ASCL5: variants seen among roughly 807,000 people sequenced by gnomAD.
ASCL5 encodes the protein achaete-scute family bHLH transcription factor 5, also known as achaete-scute homolog 5.
For missense variants in ASCL5, 262 were observed against 268.9 expected, an observed-to-expected ratio of 0.97 and a Z score of 0.18; for synonymous variants, 124 against 131.5, an observed-to-expected ratio of 0.94 and a Z score of 0.39.
intron 1 of ASCL5, among the ~76,000 whole-genome samples, chr1:201,126,738 C>T (rs1663587738): frequency 6.6e-6 from 1 of 152,238 alleles, no homozygotes; most frequent in South Asian, 2.1e-4. Flanking sequence ...CCCTTCACCA[C>T]TGCTCTGCAC....
intron 1 of ASCL5, among the ~76,000 whole-genome samples, chr1:201,116,092 G>A (rs1663342593): frequency 6.6e-6 from 1 of 152,146 alleles, no homozygotes; most frequent in East Asian, 1.9e-4. Context: ...GAAGGGCAAG[G>A]GAAACATCCT....
intron 1 of ASCL5, among the ~76,000 whole-genome samples, chr1:201,121,679 C>A (rs542542356): frequency 6.6e-6 from 1 of 151,962 alleles, no homozygotes; most frequent in African/African-American, 2.4e-5. Context: ...AAAATAAAAA[C>A]GGTTAACTGG....
intron 1 of ASCL5, among the ~76,000 whole-genome samples, chr1:201,123,104 T>G (rs903189499): frequency 6.6e-6 from 1 of 152,160 alleles, no homozygotes; most frequent in Non-Finnish European, 1.5e-5. Flanking sequence ...CCCACCAATA[T>G]TGTTCCACCA....
chr1:201,116,776 C>T (rs1412004020), intron 1 of ASCL5, among the ~76,000 whole-genome samples: 1 of 152,156 alleles, frequency 6.6e-6, no homozygotes, highest in Admixed American at 6.6e-5. Context: ...TCGCACTCCC[C>T]CCTCTTGTGT....
chr1:201,124,845 G>A (rs1663549592), intron 1 of ASCL5, among the ~76,000 whole-genome samples: 1 of 152,220 alleles, frequency 6.6e-6, no homozygotes, highest in African/African-American at 2.4e-5. Context: ...CCGAGGCCAG[G>A]AGAGCCTGGA....
chr1:201,126,199 G>A (rs577875041), intron 1 of ASCL5, among the ~76,000 whole-genome samples: 4 of 151,916 alleles, frequency 2.6e-5, no homozygotes, highest in African/African-American at 4.8e-5. Context: ...GCAGTGGGAC[G>A]ATCATAGCTC....
chr1:201,119,486 T>G (rs1007515193), intron 1 of ASCL5, among the ~76,000 whole-genome samples: 1 of 152,160 alleles, frequency 6.6e-6, no homozygotes, highest in Non-Finnish European at 1.5e-5. Context: ...GGTGTCGAAG[T>G]CATCACTTCC....
At chr1:201,118,222 G>A (rs1328335861) in intron 1 of ASCL5, among the ~76,000 whole-genome samples, 3 of 152,210 alleles carry the variant, frequency 2.0e-5, no homozygotes, top group Non-Finnish European at 2.9e-5. Context: ...GCTCATGCCT[G>A]TAATCCCGGC....
chr1:201,125,878 C>T (rs1663569688), intron 1 of ASCL5, among the ~76,000 whole-genome samples: 1 of 152,192 alleles, frequency 6.6e-6, no homozygotes, highest in Non-Finnish European at 1.5e-5. Context: ...CGAGCCGTGT[C>T]ACCTTCCTTT....
chr1:201,126,321 T>C (rs1663580495), intron 1 of ASCL5, among the ~76,000 whole-genome samples: 1 of 152,068 alleles, frequency 6.6e-6, no homozygotes, highest in East Asian at 1.9e-4. Context: ...GACAGAATCT[T>C]GAACTTCTGG....
At chr1:201,122,570 T>A (rs570193490) in intron 1 of ASCL5, among the ~76,000 whole-genome samples, 5 of 152,214 alleles carry the variant, frequency 3.3e-5, no homozygotes, top group Admixed American at 6.5e-5. Context: ...ACACAGCCGA[T>A]TGAATTTACC....
At position 201,114,950 on chromosome 1, in the gene ASCL5, C is replaced by G. The variant is rs1663306144; in HGVS notation, c.423G>C (p.Ser141=). 5 of 1,231,228 alleles carry G rather than the reference C, an allele frequency of 4.1e-6. No individual in the cohort carries two copies. The highest frequency in any genetic ancestry group is 4.0e-6 in the Non-Finnish European group (4 of 987,766). The allele number at this position is 1,231,228 out of a possible 1,614,324, so 76.3% of individuals were successfully genotyped here. A position where few individuals can be genotyped will look rare whatever the true frequency, so the allele number is the denominator to read the frequency against. ...YIKYLQELLS[S]APDGSTPPAS... ...CGGGGGGCGTCGAGCCGTCGGGGGC[C>G]GAGCTCAGCAGCTCTTGCAGGTACT... Residue 141 remains serine (S), a synonymous_variant, in exon 2 of 2, where the codon TCG becomes TCC. Transcript: ENST00000449188.
chr1:201,114,899 C>A lies in ASCL5; in HGVS notation c.474G>T (p.Gly158=), dbSNP rs905426103. The A allele has an allele frequency of 1.0e-4, 127 of 1,229,952 alleles. 1 individual carries two copies. In the African/African-American group the frequency reaches 1.4e-3, roughly 14 times the overall value. 76.2% of individuals were successfully genotyped at this position (1,229,952 alleles called of 1,614,324 possible). ...GGGTGGCGGGCGGCGCGGGGCAGGG[C>A]CCGGTGCCCGGGAGGCCGCGGGAAG... The part of the protein sequence containing the change: ...PPASRGLPGT[G]PCPAPPATPR... The change falls in exon 2 of 2, where the codon GGG becomes GGT. Residue 158 remains glycine, a synonymous_variant. Coordinates refer to ENST00000449188, the MANE Select transcript of ASCL5 (RefSeq NM_001270601.2).
intron 1 of ASCL5, among the ~76,000 whole-genome samples, chr1:201,120,253 G>A (rs1332927591): frequency 6.6e-6 from 1 of 152,160 alleles, no homozygotes; most frequent in East Asian, 1.9e-4. Flanking sequence ...TTCTAATTGT[G>A]TAGCACTAGT....
intron 1 of ASCL5, among the ~76,000 whole-genome samples, chr1:201,122,692 T>G (rs61819464): frequency 0.011 from 1,736 of 152,194 alleles, 17 homozygotes; most frequent in Non-Finnish European, 0.018. Context: ...GGTGAGGAAT[T>G]TAGTCCTTCC....
chr1:201,123,594 A>T (rs1270437518), intron 1 of ASCL5, among the ~76,000 whole-genome samples: 2 of 152,190 alleles, frequency 1.3e-5, no homozygotes, highest in Non-Finnish European at 2.9e-5. Context: ...TTGACCTGGG[A>T]TTCAAGGGAT....
Position 201,115,277 on chromosome 1 carries a change from C to T in ASCL5, c.96G>A (p.Ala32=), listed in dbSNP as rs929566684. 4 of 1,231,142 alleles carry T rather than the reference C, an allele frequency of 3.2e-6. No individual in the cohort carries two copies. In the African/African-American group the frequency reaches 4.7e-5, roughly 14 times the overall value. 76.3% of individuals were successfully genotyped at this position (1,231,142 alleles called of 1,614,324 possible). The stretch of plus-strand genomic sequence containing the variant: ...CCAGGGGCTCGGCGGGGGGCAGGGG[C>T]GCCTGCCGGGGAGGGGGCATGACGC... ...QLGVMPPPRQ[A]PLPPAEPLGN... Residue 32 remains alanine (A), a synonymous_variant, in exon 2 of 2, where the codon GCG becomes GCA. Coordinates refer to ENST00000449188, the MANE Select transcript of ASCL5 (RefSeq NM_001270601.2).
At chr1:201,116,963 A>T (rs374565276) in intron 1 of ASCL5, among the ~76,000 whole-genome samples, 1 of 152,132 alleles carries the variant, frequency 6.6e-6, no homozygotes, top group East Asian at 1.9e-4. Context: ...TCTCTCCCTG[A>T]CAGGAGGAGG....
Position 201,114,908 on chromosome 1 carries a change from C to T in ASCL5, c.465G>A (p.Pro155=). The T allele has an allele frequency of 4.1e-6, 5 of 1,230,042 alleles. No individual in the cohort carries two copies. Among genetic ancestry groups the T allele is most frequent in the Non-Finnish European group, 5.1e-6 (5 of 986,882 alleles). The allele number at this position is 1,230,042 out of a possible 1,614,324, so 76.2% of individuals were successfully genotyped here. A position where few individuals can be genotyped will look rare whatever the true frequency, so the allele number is the denominator to read the frequency against. Residue 155 remains proline (P), a synonymous_variant, in exon 2 of 2, where the codon CCG becomes CCA. Transcript: ENST00000449188. ...GCGGCGCGGGGCAGGGCCCGGTGCC[C>T]GGGAGGCCGCGGGAAGCGGGGGGCG... ...GSTPPASRGL[P]GTGPCPAPPA...
Sources: allele counts gnomAD v4.1 joint callset (sites outside exome capture counted in the v4.1 genomes callset), GRCh38; gene constraint gnomAD v4.1.1; transcripts MANE v1.5; gene names NCBI Gene and HGNC (gene_info 2026-07-23, HGNC 2026-07-21).